KCNIP4: variants seen among roughly 807,000 people sequenced by gnomAD.
The protein encoded by KCNIP4 is Kv channel-interacting protein 4.
A neutral mutation model predicts 34.0 loss-of-function variants in KCNIP4; 12 were observed. That is an observed-to-expected ratio of 0.35 (90% CI 0.23 to 0.57). KCNIP4 has a LOEUF of 0.57. Among genes scored for constraint, KCNIP4 ranks in the 20% least tolerant of loss-of-function variants. The probability of loss-of-function intolerance (pLI) is 0.83; values close to 1 mark genes in which losing one functional copy is unlikely to be tolerated. For synonymous variants in KCNIP4, 124 were observed against 102.2 expected (o/e 1.21, Z -1.29); for missense variants, 238 against 311.7 (o/e 0.76, Z 1.78).
Position 21,328,642 on chromosome 4 carries a change from G to T in KCNIP4, c.62-445933C>A, listed in dbSNP as rs76536412. ...CCACCATCAGCCTGTGGCAAATCCA[G>T]CCAGGCTTATTTCCTTCCCTTCAGG... On this transcript the variant is annotated intron_variant, in intron 1 of 8. Transcript: ENST00000382152. 3.4e-3 allele frequency among the ~76,000 whole-genome samples: 517 copies of T among 152,296 alleles called. 2 individuals carry two copies. The highest frequency in any genetic ancestry group is 0.012 in the African/African-American group (498 of 41,576).
intron 1 of KCNIP4, among the ~76,000 whole-genome samples, chr4:21,750,865 C>A (rs1017559783): frequency 2.3e-4 from 35 of 152,108 alleles, no homozygotes; most frequent in African/African-American, 8.5e-4. Context: ...TCAGCCCTGG[C>A]CCCAAACACA....
chr4:21,639,917 C>T (rs1746493506), intron 1 of KCNIP4, among the ~76,000 whole-genome samples: 1 of 152,144 alleles, frequency 6.6e-6, no homozygotes, highest in Non-Finnish European at 1.5e-5. Flanking sequence ...ACCACAGTGA[C>T]ATGCTTGTAT....
intron 1 of KCNIP4, among the ~76,000 whole-genome samples, chr4:21,335,143 C>A (rs932025661): frequency 2.6e-5 from 4 of 151,920 alleles, no homozygotes; most frequent in African/African-American, 9.7e-5. Context: ...TCAGCTCACA[C>A]AATTTAGTAG....
chr4:20,938,921 A>G (rs1440003079), intron 1 of KCNIP4, among the ~76,000 whole-genome samples: 1 of 152,148 alleles, frequency 6.6e-6, no homozygotes, highest in Non-Finnish European at 1.5e-5. Flanking sequence ...TTTTATGCTT[A>G]CTTCTATTTC....
chr4:21,466,185 A>G (rs533046690), intron 1 of KCNIP4, among the ~76,000 whole-genome samples: 2 of 152,246 alleles, frequency 1.3e-5, no homozygotes, highest in East Asian at 3.9e-4. Context: ...TGTTCAGGGT[A>G]TTAAAATCCC....
intron 2 of KCNIP4, among the ~76,000 whole-genome samples, chr4:20,861,473 C>A (rs746062071): frequency 6.6e-6 from 1 of 152,144 alleles, no homozygotes; most frequent in Non-Finnish European, 1.5e-5. Context: ...CCAACCCGAG[C>A]AATTGGAATC....
At chr4:20,800,220 G>T (rs1348816382) in intron 3 of KCNIP4, among the ~76,000 whole-genome samples, 1 of 152,146 alleles carries the variant, frequency 6.6e-6, no homozygotes, top group Non-Finnish European at 1.5e-5. Flanking sequence ...CTGTATCACT[G>T]GGCCCACACA....
chr4:21,106,126 G>C (rs1471525776), intron 1 of KCNIP4, among the ~76,000 whole-genome samples: 3 of 151,550 alleles, frequency 2.0e-5, no homozygotes. Flanking sequence ...GAGTTAGGGA[G>C]GATTCCCTCT....
At chr4:21,170,996 C>A (rs1032981917) in intron 1 of KCNIP4, among the ~76,000 whole-genome samples, 1 of 152,116 alleles carries the variant, frequency 6.6e-6, no homozygotes, top group Non-Finnish European at 1.5e-5. Context: ...GCCAATTATA[C>A]AGCTCTTTTT....
chr4:21,055,045 C>A (rs908053043), intron 1 of KCNIP4, among the ~76,000 whole-genome samples: 12 of 151,970 alleles, frequency 7.9e-5, no homozygotes, highest in Middle Eastern at 3.4e-3. Context: ...CCAAAGTATA[C>A]AAAAAACTCT....
At chr4:21,260,315 T>C (rs1441834937) in intron 1 of KCNIP4, among the ~76,000 whole-genome samples, 1 of 152,190 alleles carries the variant, frequency 6.6e-6, no homozygotes, top group Non-Finnish European at 1.5e-5. Flanking sequence ...ATCTTTAGTT[T>C]TGGGATAATA....
intron 1 of KCNIP4, among the ~76,000 whole-genome samples, chr4:21,788,535 T>C (rs1720061672): frequency 1.3e-5 from 2 of 150,180 alleles, no homozygotes; most frequent in South Asian, 4.2e-4. Flanking sequence ...TCTACAAACA[T>C]TTACTCTGCC....
chr4:21,544,150 G>T (rs1261369212), intron 1 of KCNIP4, among the ~76,000 whole-genome samples: 1 of 151,854 alleles, frequency 6.6e-6, no homozygotes, highest in Non-Finnish European at 1.5e-5. Flanking sequence ...CTTCAAACCT[G>T]GATTCTGGTC....
chr4:21,004,986 T>C (rs1217370208), intron 1 of KCNIP4, among the ~76,000 whole-genome samples: 1 of 152,050 alleles, frequency 6.6e-6, no homozygotes, highest in African/African-American at 2.4e-5. Context: ...TGATAGAACA[T>C]CTCTGAATGT....
chr4:21,411,546 G>C (rs1724507017), intron 1 of KCNIP4, among the ~76,000 whole-genome samples: 1 of 152,146 alleles, frequency 6.6e-6, no homozygotes. Flanking sequence ...CAGGCAAATT[G>C]GCTCACACCT....
intron 7 of KCNIP4, among the ~76,000 whole-genome samples, 190 bp from the exon 8 acceptor site, chr4:20,732,258 T>C (rs920789239): frequency 6.6e-6 from 1 of 152,208 alleles, no homozygotes; most frequent in Admixed American, 6.5e-5. Flanking sequence ...TTCTGGCTTT[T>C]CCCTTTTCAA....
intron 1 of KCNIP4, among the ~76,000 whole-genome samples, chr4:21,089,613 CA>C (rs1417253712): frequency 6.6e-6 from 1 of 152,120 alleles, no homozygotes; most frequent in East Asian, 1.9e-4. Context: ...ATCCAGTTTT[CA>C]GATATCAAAA....
chr4:21,442,415 T>C (rs1727567582), intron 1 of KCNIP4, among the ~76,000 whole-genome samples: 1 of 152,196 alleles, frequency 6.6e-6, no homozygotes, highest in Admixed American at 6.5e-5. Flanking sequence ...CCATAGTTAT[T>C]TTTGTTGTGT....
At chr4:21,240,296 G>A (rs1053558821) in intron 1 of KCNIP4, among the ~76,000 whole-genome samples, 1 of 149,156 alleles carries the variant, frequency 6.7e-6, no homozygotes, top group East Asian at 2.0e-4. Context: ...AATGGGTGCA[G>A]CACACCAACA....
Sources: gnomAD v4.1 joint callset for allele counts (sites outside exome capture counted in the v4.1 genomes callset) on GRCh38, gnomAD v4.1.1 for gene constraint, MANE v1.5 for transcripts, NCBI Gene and HGNC (gene_info 2026-07-23, HGNC 2026-07-21) for gene names.